Variants in VGLL2 observed in about 807,000 individuals in gnomAD.
VGLL2 encodes vestigial like family member 2, also known as transcription cofactor vestigial-like protein 2.
A neutral mutation model predicts 27.0 loss-of-function variants in VGLL2; 18 were observed. The ratio of observed to expected loss-of-function variants is 0.67; its 90% CI spans 0.46 to 0.99. The LOEUF (loss-of-function observed/expected upper bound fraction) is 0.99, where lower values mean the gene tolerates loss of function less well. Among genes scored for constraint, VGLL2 ranks in the 50% least tolerant of loss-of-function variants. The pLI is 0.00. For missense variants in VGLL2, 491 were observed against 452.3 expected, an observed-to-expected ratio of 1.09 and a Z score of -0.78; for synonymous variants, 220 against 201.1, an observed-to-expected ratio of 1.09 and a Z score of -0.80.
In VGLL2 at chr6:117,270,746, C is replaced by T; in HGVS notation, c.595C>T (p.Pro199Ser). The T allele has an allele frequency of 6.6e-7, 1 of 1,511,068 alleles. No individual in the cohort carries two copies. Among genetic ancestry groups the T allele is most frequent in the Non-Finnish European group, 8.8e-7 (1 of 1,139,604 alleles). The allele number at this position is 1,511,068 out of a possible 1,614,324, so 93.6% of individuals were successfully genotyped here. The part of the protein sequence containing the change: ...GATEPWHHAH[P>S]HHAHPHHPYA... Reference sequence around the variant, plus strand: ...CACGGAGCCCTGGCACCACGCGCACCCGCACCACGCGCACCCGCATCACCC... The same window carrying T: ...CACGGAGCCCTGGCACCACGCGCACTCGCACCACGCGCACCCGCATCACCC... Residue 199 changes from proline (P) to serine (S), a missense_variant, in exon 3 of 4, where the codon CCG becomes TCG. Coordinates refer to ENST00000326274, the MANE Select transcript of VGLL2 (RefSeq NM_182645.3).
chr6:117,271,339 A>AATG (rs1773197773), intron 3 of VGLL2, among the ~76,000 whole-genome samples: 1 of 145,350 alleles, frequency 6.9e-6, no homozygotes, highest in Non-Finnish European at 1.5e-5. Flanking sequence ...TAATAATAAT[A>AATG]ATAATAATAA....
chr6:117,270,995 G>A lies in VGLL2; in HGVS notation c.844G>A (p.Gly282Arg), dbSNP rs1365815483. 9 of 1,232,402 alleles carry A rather than the reference G, an allele frequency of 7.3e-6. No individual in the cohort carries two copies. The East Asian group carries it at 9.6e-5, about 13-fold the overall frequency. The allele number at this position is 1,232,402 out of a possible 1,614,324, so 76.3% of individuals were successfully genotyped here. Reference protein sequence around the residue: ...KGEPAGAAWAGPGGPFASPSG... With the variant: ...KGEPAGAAWARPGGPFASPSG... Reference sequence around the variant, plus strand: ...CGAGCCGGCGGGCGCCGCGTGGGCCGGGCCCGGGGGACCCTTCGCGAGCCC... The same window carrying A: ...CGAGCCGGCGGGCGCCGCGTGGGCCAGGCCCGGGGGACCCTTCGCGAGCCC... The change falls in exon 3 of 4, where the codon GGG (glycine) becomes AGG (arginine). Residue 282 changes from glycine to arginine, a missense_variant. Gly to Arg is a moderately radical substitution (Grantham distance 125). Coordinates refer to ENST00000326274, the MANE Select transcript of VGLL2 (RefSeq NM_182645.3).
chr6:117,265,777 A>C lies in VGLL2; in HGVS notation c.14A>C (p.Asp5Ala). Residue 5 changes from aspartate to alanine, a missense_variant, in exon 1 of 4, where the codon GAT (aspartate) becomes GCT (alanine). Transcript: ENST00000326274. MSCLDVMYQVYGPPQ... is the reference protein window; with the variant it reads MSCLAVMYQVYGPPQ... The stretch of plus-strand genomic sequence containing the variant: ...CTGCGGAGAGTCATGAGCTGTCTGG[A>C]TGTTATGTACCAAGTCTATGGTCCT... 3 of 1,614,068 alleles carry C rather than the reference A, an allele frequency of 1.9e-6. No individual in the cohort carries two copies. The highest frequency in any genetic ancestry group is 2.5e-6 in the Non-Finnish European group (3 of 1,179,954).
chr6:117,270,730 C>T lies in VGLL2; in HGVS notation c.579C>T (p.Pro193=), dbSNP rs770582811. ...HGHLHQGATE[P]WHHAHPHHAH... ...ACCTGCACCAGGGCGCCACGGAGCCCTGGCACCACGCGCACCCGCACCACG... is the reference window on the plus strand; with the variant it reads ...ACCTGCACCAGGGCGCCACGGAGCCTTGGCACCACGCGCACCCGCACCACG... The change falls in exon 3 of 4, where the codon CCC becomes CCT. Residue 193 remains proline, a synonymous_variant. Coordinates refer to ENST00000326274, the MANE Select transcript of VGLL2 (RefSeq NM_182645.3). The T allele has an allele frequency of 7.4e-5, 113 of 1,523,164 alleles. No homozygotes were observed. Among genetic ancestry groups the T allele is most frequent in the Non-Finnish European group, 8.6e-5 (99 of 1,145,302 alleles). 94.4% of individuals were successfully genotyped at this position (1,523,164 alleles called of 1,614,324 possible).
rs1484693872 is a variant in VGLL2 at position 117,270,570 on chromosome 6, G to C, written c.419G>C (p.Ser140Thr). The change falls in exon 3 of 4, where the codon AGC becomes ACC. Residue 140 changes from serine (S) to threonine (T), a missense_variant. Transcript: ENST00000326274. The stretch of plus-strand genomic sequence containing the variant: ...TGCTCCTTCCCGATGAGCCAGCGCA[G>C]CTTCCCCGCCTCCTTCTGGAATAGC... ...RDCSFPMSQR[S>T]FPASFWNSAY... 6.3e-7 allele frequency: 1 copy of C among 1,598,906 alleles called. No individual in the cohort carries two copies. The highest frequency in any genetic ancestry group is 1.4e-5 in the African/African-American group (1 of 73,570).
Position 117,272,527 on chromosome 6 carries a change from C to G in VGLL2, c.*33C>G, listed in dbSNP as rs766926735. 2.5e-6 allele frequency: 4 copies of G among 1,614,078 alleles called. No individual in the cohort carries two copies. The highest frequency in any genetic ancestry group is 2.5e-6 in the Non-Finnish European group (3 of 1,180,014). Reference sequence around the variant, plus strand: ...ACCCAGGGTTTCCCCTTCCCCTTCCCTTCTGACCAGCCTTGGAGGCTCAGC... The same window carrying G: ...ACCCAGGGTTTCCCCTTCCCCTTCCGTTCTGACCAGCCTTGGAGGCTCAGC... On this transcript the variant is annotated 3_prime_UTR_variant, in exon 4 of 4. Coordinates refer to ENST00000326274, the MANE Select transcript of VGLL2 (RefSeq NM_182645.3).
chr6:117,271,440 G>A (rs1773199148), intron 3 of VGLL2, among the ~76,000 whole-genome samples: 1 of 151,854 alleles, frequency 6.6e-6, no homozygotes, highest in Non-Finnish European at 1.5e-5. Flanking sequence ...TGGTGAGGCC[G>A]AATTAAGATG....
rs1773228907 is a variant in VGLL2 at position 117,272,763 on chromosome 6, G to A, written c.*269G>A. On this transcript the variant is annotated 3_prime_UTR_variant, in exon 4 of 4. Coordinates refer to ENST00000326274, the MANE Select transcript of VGLL2 (RefSeq NM_182645.3). ...CTGTGGTGAGATTGCTGAGTCAGGT[G>A]ATGTGATATCATAAGCTTTCTTGGA... 1.9e-6 allele frequency: 1 copy of A among 516,652 alleles called. No homozygotes were observed. Among genetic ancestry groups the A allele is most frequent in the Non-Finnish European group, 3.4e-6 (1 of 295,592 alleles). 32.0% of individuals were successfully genotyped at this position (516,652 alleles called of 1,614,324 possible). A position where few individuals can be genotyped will look rare whatever the true frequency, so the allele number is the denominator to read the frequency against.
chr6:117,271,147 T>G, intron 3 of VGLL2, 83 bp downstream of exon 3: 1 of 1,120,388 alleles, frequency 8.9e-7, no homozygotes, highest in Non-Finnish European at 1.1e-6. Context: ...CCCTTAATCC[T>G]CCTTGGAGAC....
chr6:117,272,307 A>T, intron 3 of VGLL2, 147 bp from the exon 4 acceptor site: 1 of 1,489,214 alleles, frequency 6.7e-7, no homozygotes, highest in Non-Finnish European at 8.9e-7. Context: ...CTCTATTTTC[A>T]GGTTTGCAGC....
intron 3 of VGLL2, among the ~76,000 whole-genome samples, chr6:117,271,643 G>A (rs1412474650): frequency 6.6e-6 from 1 of 151,996 alleles, no homozygotes; most frequent in Admixed American, 6.5e-5. Flanking sequence ...TTAGAATTAT[G>A]CTTATGGCTC....
chr6:117,271,131 C>T, intron 3 of VGLL2, 67 bp downstream of exon 3: 1 of 1,172,066 alleles, frequency 8.5e-7, no homozygotes, highest in South Asian at 4.4e-5. Flanking sequence ...TGGGCTGTGC[C>T]TAGACCCCTT....
rs1233619837 is a variant in VGLL2 at position 117,268,317 on chromosome 6, G to C, written c.217G>C (p.Glu73Gln). Reference protein sequence around the residue: ...IKEEEGSPEKERPPEAEYINS... With the variant: ...IKEEEGSPEKQRPPEAEYINS... ...AGAGGAAGAAGGCAGCCCAGAGAAAGAGCGCCCACCAGAGGCAGAGTACAT... is the reference window on the plus strand; with the variant it reads ...AGAGGAAGAAGGCAGCCCAGAGAAACAGCGCCCACCAGAGGCAGAGTACAT... Residue 73 changes from glutamate to glutamine, a missense_variant, in exon 2 of 4, where the codon GAG becomes CAG. Physicochemically the swap from Glu to Gln is conservative, Grantham distance 29. Coordinates refer to ENST00000326274, the MANE Select transcript of VGLL2 (RefSeq NM_182645.3). The C allele has an allele frequency of 6.2e-7, 1 of 1,614,174 alleles. No individual in the cohort carries two copies. The highest frequency in any genetic ancestry group is 8.5e-7 in the Non-Finnish European group (1 of 1,180,044).
At chr6:117,265,981 A>C in intron 1 of VGLL2, 137 bp downstream of exon 1, 1 of 778,598 alleles carries the variant, frequency 1.3e-6, no homozygotes, top group Non-Finnish European at 2.2e-6. Context: ...GGATGCGGGG[A>C]TTGCCGGAGC....
At position 117,268,309 on chromosome 6, in the gene VGLL2, C is replaced by T. The variant is rs761104632; in HGVS notation, c.209C>T (p.Pro70Leu). ...AGTATAAAAGAGGAAGAAGGCAGCC[C>T]AGAGAAAGAGCGCCCACCAGAGGCA... Reference protein sequence around the residue: ...PASIKEEEGSPEKERPPEAEY... With the variant: ...PASIKEEEGSLEKERPPEAEY... Residue 70 changes from proline to leucine, a missense_variant, in exon 2 of 4, where the codon CCA becomes CTA. By Grantham distance (98) the Pro-to-Leu change is moderately conservative. Transcript: ENST00000326274. 2 of 1,614,184 alleles carry T rather than the reference C, an allele frequency of 1.2e-6. No individual in the cohort carries two copies. The highest frequency in any genetic ancestry group is 1.1e-5 in the South Asian group (1 of 91,072).
Position 117,265,573 on chromosome 6 carries a change from C to T in VGLL2, c.-191C>T. 1.7e-6 allele frequency: 1 copy of T among 588,054 alleles called. No individual in the cohort carries two copies. Among genetic ancestry groups the T allele is most frequent in the Admixed American group, 2.7e-5 (1 of 36,902 alleles). 36.4% of individuals were successfully genotyped at this position (588,054 alleles called of 1,614,324 possible). ...GAGCTCAGGCGCTTCTGCCCTGGAGCGCGGTCGGGAGTAAAATCGCAGGAG... is the reference window on the plus strand; with the variant it reads ...GAGCTCAGGCGCTTCTGCCCTGGAGTGCGGTCGGGAGTAAAATCGCAGGAG... On this transcript the variant is annotated 5_prime_UTR_variant, in exon 1 of 4. Transcript: ENST00000326274.
chr6:117,272,094 T>A (rs13199476), intron 3 of VGLL2, among the ~76,000 whole-genome samples: 10,976 of 131,396 alleles, frequency 0.084, 536 homozygotes, highest in East Asian at 0.16. Context: ...AGTCTGTGAC[T>A]TTCACAATAA....
At chr6:117,271,211 C>G (rs71570842) in intron 3 of VGLL2, 147 bp downstream of exon 3, 78,638 of 702,322 alleles carry the variant, frequency 0.11, 6,134 homozygotes, top group African/African-American at 0.32. Context: ...TCCACTGATA[C>G]ATGGCCCTGT....
chr6:117,272,334 G>A (rs1773220651), intron 3 of VGLL2, 120 bp from the exon 4 acceptor site: 20 of 1,562,552 alleles, frequency 1.3e-5, no homozygotes, highest in Non-Finnish European at 1.7e-5. Flanking sequence ...ACAAAAGCAA[G>A]GATGTGTACT....
Sources: gnomAD v4.1 joint callset for allele counts (sites outside exome capture counted in the v4.1 genomes callset) on GRCh38, gnomAD v4.1.1 for gene constraint, MANE v1.5 for transcripts, NCBI Gene and HGNC (gene_info 2026-07-23, HGNC 2026-07-21) for gene names.